The following NAV2 variants were observed in gnomAD, a reference collection of about 807,000 sequenced individuals.
NAV2 encodes the protein helicase, APC down-regulated 1.
A neutral mutation model predicts 223.2 loss-of-function variants in NAV2; 54 were observed. That is an observed-to-expected ratio of 0.24 (90% CI 0.19 to 0.30). NAV2 has a LOEUF of 0.30. Among genes scored for constraint, NAV2 ranks in the 10% least tolerant of loss-of-function variants. The pLI is 1.00. For synonymous variants in NAV2, 1,279 were observed against 1,239.3 expected (o/e 1.03, Z -0.67); for missense variants, 2,806 against 3,147.5 (o/e 0.89, Z 2.60).
At chr11:19,783,202 T>C (rs1697628685) in intron 1 of NAV2, among the ~76,000 whole-genome samples, 1 of 152,244 alleles carries the variant, frequency 6.6e-6, no homozygotes, top group Admixed American at 6.5e-5. Context: ...TCTAGCATTG[T>C]TCCCGATGTG....
chr11:19,529,183 C>T (rs766114289), intron 1 of NAV2, among the ~76,000 whole-genome samples: 4 of 152,120 alleles, frequency 2.6e-5, no homozygotes, highest in Non-Finnish European at 4.4e-5. Context: ...TATTGGTGCC[C>T]CATGAAAACT....
chr11:19,455,606 C>T (rs1469228102), intron 1 of NAV2, among the ~76,000 whole-genome samples: 1 of 152,130 alleles, frequency 6.6e-6, no homozygotes, highest in Non-Finnish European at 1.5e-5. Flanking sequence ...AATATAACCA[C>T]AGCATCTCTA....
intron 1 of NAV2, among the ~76,000 whole-genome samples, chr11:19,781,553 C>A (rs1169823811): frequency 6.6e-6 from 1 of 152,088 alleles, no homozygotes; most frequent in Non-Finnish European, 1.5e-5. Flanking sequence ...TGACCTTTGA[C>A]CTTTCCCCAG....
At chr11:19,479,127 G>T (rs2042207447) in intron 1 of NAV2, among the ~76,000 whole-genome samples, 1 of 152,052 alleles carries the variant, frequency 6.6e-6, no homozygotes, top group South Asian at 2.1e-4. Context: ...ACTGTGTCGG[G>T]TATAATTAAC....
intron 1 of NAV2, among the ~76,000 whole-genome samples, chr11:19,431,971 G>A (rs1851051673): frequency 6.6e-6 from 1 of 152,324 alleles, no homozygotes; most frequent in South Asian, 2.1e-4. Context: ...GCCAAGGCTG[G>A]CCGATCACCT....
chr11:19,710,648 C>T (rs923331596), upstream of NAV2, among the ~76,000 whole-genome samples: 7 of 152,176 alleles, frequency 4.6e-5, no homozygotes, highest in African/African-American at 1.7e-4. Flanking sequence ...TGCATTAGGG[C>T]CATGGGAATA....
intron 1 of NAV2, among the ~76,000 whole-genome samples, chr11:19,716,799 G>A (rs2050350380): frequency 6.6e-6 from 1 of 152,092 alleles, no homozygotes. Flanking sequence ...TGGTAATAAT[G>A]GCCAAATCCT....
In NAV2 at chr11:20,083,187, T is replaced by C. The variant is rs1475016505; in HGVS notation, c.5498+8T>C. On this transcript the variant is annotated splice_region_variant and intron_variant, in intron 26 of 37. Coordinates refer to ENST00000349880, the MANE Select transcript of NAV2 (RefSeq NM_145117.5). ...TTCTCACTCCAACTCTCTGTAAGTC[T>C]GTCTGTCTAGTCAGATAACATCTTT... 1.1e-5 allele frequency: 18 copies of C among 1,609,832 alleles called. No homozygotes were observed. The highest frequency in any genetic ancestry group is 1.4e-5 in the Non-Finnish European group (17 of 1,177,756).
chr11:20,007,442 G>A (rs1403526352), intron 11 of NAV2, among the ~76,000 whole-genome samples: 1 of 152,238 alleles, frequency 6.6e-6, no homozygotes, highest in Non-Finnish European at 1.5e-5. Context: ...GGACCTTTGA[G>A]TGGCCTTGAG....
chr11:20,070,636 T>C (rs1047619491), intron 22 of NAV2, among the ~76,000 whole-genome samples: 5 of 152,226 alleles, frequency 3.3e-5, no homozygotes, highest in Non-Finnish European at 7.3e-5. Flanking sequence ...CTGCCATCTT[T>C]CTCGCAAACC....
At chr11:19,790,794 G>C (rs1204389119) in intron 1 of NAV2, among the ~76,000 whole-genome samples, 1 of 152,068 alleles carries the variant, frequency 6.6e-6, no homozygotes, top group Non-Finnish European at 1.5e-5. Context: ...GCTAACAGTT[G>C]TTCCTTTCTG....
intron 1 of NAV2, among the ~76,000 whole-genome samples, chr11:19,659,134 G>A (rs1374900559): frequency 6.6e-6 from 1 of 152,194 alleles, no homozygotes; most frequent in East Asian, 1.9e-4. Flanking sequence ...TTCAAGTTGT[G>A]ATATTATGAA....
intron 31 of NAV2, among the ~76,000 whole-genome samples, chr11:20,100,546 G>GGT (rs59857072): frequency 0.051 from 7,177 of 141,664 alleles, 323 homozygotes; most frequent in East Asian, 0.23. Flanking sequence ...ATACTAGAGG[G>GGT]GTGTGTGTGT....
intron 1 of NAV2, among the ~76,000 whole-genome samples, chr11:19,579,787 A>T (rs1486934064): frequency 1.3e-5 from 2 of 152,132 alleles, no homozygotes; most frequent in Admixed American, 1.3e-4. Flanking sequence ...CTTTTCTGGA[A>T]TTCTCATGGG....
At chr11:19,959,030 G>A (rs1357620326) in intron 10 of NAV2, among the ~76,000 whole-genome samples, 1 of 152,182 alleles carries the variant, frequency 6.6e-6, no homozygotes, top group Non-Finnish European at 1.5e-5. Flanking sequence ...GGACACAAAG[G>A]AGACAGAGAA....
intron 11 of NAV2, among the ~76,000 whole-genome samples, chr11:20,022,054 G>A (rs1383876584): frequency 6.6e-6 from 1 of 152,218 alleles, no homozygotes; most frequent in African/African-American, 2.4e-5. Context: ...ACCCTGGCCA[G>A]GGGGAGAGCC....
intron 1 of NAV2, among the ~76,000 whole-genome samples, chr11:19,405,490 G>A (rs920212845): frequency 6.6e-6 from 1 of 152,166 alleles, no homozygotes; most frequent in African/African-American, 2.4e-5. Context: ...ATCTGAATAC[G>A]AAGGAGTAAC....
chr11:19,355,444 T>C (rs1210271945), intron 1 of NAV2, among the ~76,000 whole-genome samples: 4 of 152,306 alleles, frequency 2.6e-5, no homozygotes, highest in African/African-American at 9.6e-5. Context: ...GCTCTGGATC[T>C]GCCAAGCCCT....
At chr11:19,937,540 T>G (rs1176817442) in intron 7 of NAV2, among the ~76,000 whole-genome samples, 1 of 152,232 alleles carries the variant, frequency 6.6e-6, no homozygotes, top group Non-Finnish European at 1.5e-5. Flanking sequence ...CTTTCATTTT[T>G]ATAGAACCAG....
Sources: allele counts gnomAD v4.1 joint callset (sites outside exome capture counted in the v4.1 genomes callset), GRCh38; gene constraint gnomAD v4.1.1; transcripts MANE v1.5; gene names NCBI Gene and HGNC (gene_info 2026-07-23, HGNC 2026-07-21).